The following GRM7 variants were observed in gnomAD, a reference collection of about 807,000 sequenced individuals.
GRM7 encodes the protein metabotropic glutamate receptor 7.
Under a neutral mutation model 84.5 loss-of-function variants are expected in GRM7, and 35 were observed. The observed-to-expected ratio is 0.41, with a 90% CI of 0.32 to 0.55. The LOEUF (loss-of-function observed/expected upper bound fraction) is 0.55. Among genes scored for constraint, GRM7 ranks in the 20% least tolerant of loss-of-function variants. GRM7 has a pLI of 0.19. For synonymous variants in GRM7, 487 were observed against 455.1 expected, an observed-to-expected ratio of 1.07 and a Z score of -0.89; for missense variants, 1,003 against 1,194.6, an observed-to-expected ratio of 0.84 and a Z score of 2.36.
intron 2 of GRM7, among the ~76,000 whole-genome samples, chr3:7,266,390 G>A (rs139572069): frequency 2.2e-3 from 335 of 152,266 alleles, no homozygotes; most frequent in African/African-American, 7.5e-3. Context: ...GTAAAATCAC[G>A]TCATGGTATG....
chr3:6,890,624 C>A (rs1289825802), intron 1 of GRM7, among the ~76,000 whole-genome samples: 1 of 152,090 alleles, frequency 6.6e-6, no homozygotes, highest in Non-Finnish European at 1.5e-5. Flanking sequence ...TGATCTTTTA[C>A]ATTTGCTGAG....
intron 2 of GRM7, among the ~76,000 whole-genome samples, chr3:7,222,299 G>C (rs1696832536): frequency 6.6e-6 from 1 of 152,170 alleles, no homozygotes; most frequent in South Asian, 2.1e-4. Flanking sequence ...TTAAGGTAGT[G>C]CTGTGAAGAT....
intron 1 of GRM7, among the ~76,000 whole-genome samples, chr3:7,101,835 A>C (rs1158167306): frequency 6.7e-6 from 1 of 148,846 alleles, no homozygotes; most frequent in East Asian, 1.9e-4. Context: ...TTATATATAA[A>C]GGTATATGTA....
intron 7 of GRM7, among the ~76,000 whole-genome samples, chr3:7,492,950 G>A (rs545304370): frequency 6.6e-6 from 1 of 151,916 alleles, no homozygotes; most frequent in East Asian, 1.9e-4. Flanking sequence ...TTATTTACAA[G>A]TGTATTGTTT....
chr3:7,002,258 C>A (rs1033695113), intron 1 of GRM7, among the ~76,000 whole-genome samples: 7 of 152,100 alleles, frequency 4.6e-5, no homozygotes, highest in African/African-American at 1.4e-4. Flanking sequence ...GTCTCCCAAG[C>A]TTTTTAGATT....
intron 2 of GRM7, among the ~76,000 whole-genome samples, chr3:7,208,864 G>A (rs566964066): frequency 2.9e-4 from 44 of 152,256 alleles, no homozygotes; most frequent in Middle Eastern, 3.4e-3. Flanking sequence ...TAATAGATAA[G>A]CAATCACGTG....
chr3:6,978,394 T>C (rs922529788), intron 1 of GRM7, among the ~76,000 whole-genome samples: 10 of 152,108 alleles, frequency 6.6e-5, no homozygotes, highest in African/African-American at 1.9e-4. Context: ...CTCTGTTGTC[T>C]TCAGTCACTT....
chr3:7,261,043 G>A (rs140686450), intron 2 of GRM7, among the ~76,000 whole-genome samples: 136 of 152,088 alleles, frequency 8.9e-4, no homozygotes, highest in East Asian at 7.0e-3. Context: ...CCTGTGTCCC[G>A]GTCCCTTGGT....
At chr3:7,366,976 TGTC>T (rs1559270357) in intron 4 of GRM7, among the ~76,000 whole-genome samples, 1 of 151,714 alleles carries the variant, frequency 6.6e-6, no homozygotes, top group East Asian at 1.9e-4. Context: ...GAAGTACTTT[TGTC>T]TATACTCTGA....
intron 7 of GRM7, among the ~76,000 whole-genome samples, chr3:7,543,409 C>T (rs73809210): frequency 0.014 from 2,076 of 152,266 alleles, 55 homozygotes; most frequent in African/African-American, 0.047. Flanking sequence ...GATGGGCTGG[C>T]CAGGAAGTTC....
intron 2 of GRM7, among the ~76,000 whole-genome samples, chr3:7,224,658 A>G (rs1696921878): frequency 6.6e-6 from 1 of 152,166 alleles, no homozygotes; most frequent in African/African-American, 2.4e-5. Context: ...CCTCCAAACC[A>G]CTACTCATAG....
intron 7 of GRM7, among the ~76,000 whole-genome samples, chr3:7,484,903 G>T (rs1428622693): frequency 6.6e-6 from 1 of 152,124 alleles, no homozygotes. Context: ...AAAAGACTGT[G>T]GTGTCTGTCT....
intron 2 of GRM7, among the ~76,000 whole-genome samples, chr3:7,182,017 C>T (rs1306131766): frequency 6.6e-6 from 1 of 152,126 alleles, no homozygotes; most frequent in Non-Finnish European, 1.5e-5. Flanking sequence ...CAATATCAGT[C>T]TGTTACTTTC....
intron 2 of GRM7, among the ~76,000 whole-genome samples, chr3:7,231,021 C>A (rs192084301): frequency 1.3e-5 from 2 of 152,116 alleles, no homozygotes; most frequent in Non-Finnish European, 2.9e-5. Context: ...AATAGGGTTA[C>A]ATTTGGAGCT....
chr3:7,631,530 T>C (rs1024585968), intron 8 of GRM7, among the ~76,000 whole-genome samples: 1 of 152,182 alleles, frequency 6.6e-6, no homozygotes, highest in Non-Finnish European at 1.5e-5. Flanking sequence ...CCATGCTGTT[T>C]AAGGAACCAG....
chr3:7,358,284 G>T (rs1693497805), intron 4 of GRM7, among the ~76,000 whole-genome samples: 1 of 152,126 alleles, frequency 6.6e-6, no homozygotes, highest in Non-Finnish European at 1.5e-5. Context: ...GCAGACTAAA[G>T]CCAAGGGCAG....
intron 1 of GRM7, among the ~76,000 whole-genome samples, chr3:7,036,646 A>G (rs1158611842): frequency 1.3e-5 from 2 of 152,176 alleles, no homozygotes; most frequent in Admixed American, 6.6e-5. Flanking sequence ...TTAAAATTAT[A>G]TATGCTTCAG....
chr3:7,381,203 A>G (rs1694577294), intron 4 of GRM7, among the ~76,000 whole-genome samples: 1 of 151,760 alleles, frequency 6.6e-6, no homozygotes, highest in Non-Finnish European at 1.5e-5. Context: ...AAATATTTTT[A>G]TTCTTTTTAT....
intron 7 of GRM7, among the ~76,000 whole-genome samples, chr3:7,577,712 C>T (rs1310771552): frequency 1.3e-5 from 2 of 152,114 alleles, no homozygotes; most frequent in Non-Finnish European, 2.9e-5. Flanking sequence ...CAAATGGTTT[C>T]CAGACCATAT....
Sources: gnomAD v4.1 joint callset for allele counts (sites outside exome capture counted in the v4.1 genomes callset) on GRCh38, gnomAD v4.1.1 for gene constraint, MANE v1.5 for transcripts, NCBI Gene and HGNC (gene_info 2026-07-23, HGNC 2026-07-21) for gene names.